MARCHF1: variants seen among roughly 807,000 people sequenced by gnomAD.
MARCHF1 encodes the protein membrane associated ring-CH-type finger 1, also known as E3 ubiquitin-protein ligase MARCHF1.
A neutral mutation model predicts 54.2 loss-of-function variants in MARCHF1; 40 were observed. The ratio of observed to expected loss-of-function variants is 0.74; its 90% CI spans 0.57 to 0.96. The LOEUF (loss-of-function observed/expected upper bound fraction) is 0.96. Among genes scored for constraint, MARCHF1 ranks in the 40% least tolerant of loss-of-function variants. The pLI is 0.00. For missense variants in MARCHF1, 586 were observed against 656.5 expected (o/e 0.89, Z 1.17); for synonymous variants, 236 against 236.3 (o/e 1.00, Z 0.01).
chr4:163,725,279 T>C (rs72993170), intron 4 of MARCHF1, among the ~76,000 whole-genome samples: 4,557 of 152,096 alleles, frequency 0.03, 90 homozygotes, highest in East Asian at 0.077. Context: ...AGTAGTGGCA[T>C]AGTGTGGGCA....
intron 4 of MARCHF1, among the ~76,000 whole-genome samples, chr4:163,719,138 G>A (rs988881060): frequency 1.4e-4 from 22 of 151,884 alleles, no homozygotes; most frequent in Non-Finnish European, 2.5e-4. Context: ...CCATTAACTC[G>A]TCATGTACAT....
At chr4:164,249,962 C>T (rs565937730) in intron 1 of MARCHF1, among the ~76,000 whole-genome samples, 2 of 152,184 alleles carry the variant, frequency 1.3e-5, no homozygotes, top group South Asian at 4.1e-4. Context: ...ACTCCATATA[C>T]ATTTCTATGC....
chr4:163,707,827 T>C (rs1285444465), intron 4 of MARCHF1, among the ~76,000 whole-genome samples: 1 of 146,628 alleles, frequency 6.8e-6, no homozygotes, highest in Non-Finnish European at 1.5e-5. Context: ...GCAATAAAGA[T>C]GGGACAGTTG....
intron 3 of MARCHF1, among the ~76,000 whole-genome samples, chr4:163,922,395 T>C (rs1751451355): frequency 6.6e-6 from 1 of 152,156 alleles, no homozygotes; most frequent in African/African-American, 2.4e-5. Context: ...GTTGAGGTTT[T>C]TCATGTTAGA....
At chr4:164,270,026 T>C (rs1482492168) in intron 1 of MARCHF1, among the ~76,000 whole-genome samples, 1 of 152,156 alleles carries the variant, frequency 6.6e-6, no homozygotes, top group Non-Finnish European at 1.5e-5. Context: ...CTGTAAAACA[T>C]CCCATGGTTT....
At chr4:164,065,536 G>A (rs1754708440) in intron 2 of MARCHF1, among the ~76,000 whole-genome samples, 1 of 152,124 alleles carries the variant, frequency 6.6e-6, no homozygotes. Flanking sequence ...TTTGCAAAAT[G>A]TGTATCAGTC....
chr4:163,677,556 T>G (rs1055774121), intron 5 of MARCHF1, among the ~76,000 whole-genome samples: 2 of 152,212 alleles, frequency 1.3e-5, no homozygotes. Flanking sequence ...CCTAGAGAAG[T>G]CTTGTCAATT....
intron 2 of MARCHF1, among the ~76,000 whole-genome samples, chr4:164,027,109 C>T (rs1753785634): frequency 1.3e-5 from 2 of 151,898 alleles, no homozygotes; most frequent in Admixed American, 6.6e-5. Context: ...GAAAACATTC[C>T]ATGCTCATGG....
intron 4 of MARCHF1, among the ~76,000 whole-genome samples, chr4:163,828,145 T>C (rs755793914): frequency 2.7e-4 from 41 of 152,136 alleles, no homozygotes; most frequent in Admixed American, 2.6e-4. Context: ...AAAAATGTTC[T>C]TTGTTTAATA....
chr4:163,684,485 G>A (rs1409189612), intron 5 of MARCHF1, among the ~76,000 whole-genome samples: 1 of 152,168 alleles, frequency 6.6e-6, no homozygotes, highest in South Asian at 2.1e-4. Context: ...CAGATTTTGA[G>A]AGCACTACCA....
In MARCHF1 at chr4:163,553,032, C is replaced by CAAAAAA. The variant is rs778572383; in HGVS notation, c.1192-7295_1192-7290dup. On this transcript the variant is annotated intron_variant, in intron 8 of 9. Coordinates refer to ENST00000514618, the MANE Select transcript of MARCHF1 (RefSeq NM_001394959.1). Reference sequence around the variant, plus strand: ...TGGGCGACAGAGCGAGACTCCGTCTCAAAAAAAAAAAAAAAAAAAGAAGAA... The same window carrying CAAAAAA: ...TGGGCGACAGAGCGAGACTCCGTCTCAAAAAAAAAAAAAAAAAAAAAAAAAGAAGAA... Among the ~76,000 whole-genome samples, 88 of 64,384 alleles carry CAAAAAA rather than the reference C, an allele frequency of 1.4e-3. 1 individual carries two copies. Among genetic ancestry groups the CAAAAAA allele is most frequent in the African/African-American group, 3.5e-3 (73 of 20,864 alleles). The allele number at this position is 64,384 out of a possible 152,430, so 42.2% of individuals were successfully genotyped here. A position where few individuals can be genotyped will look rare whatever the true frequency, so the allele number is the denominator to read the frequency against.
intron 1 of MARCHF1, among the ~76,000 whole-genome samples, chr4:164,335,335 C>A (rs1461761656): frequency 1.3e-5 from 2 of 152,172 alleles, no homozygotes; most frequent in Admixed American, 6.5e-5. Context: ...GTAATCCCAG[C>A]ACTTTGGGAG....
intron 1 of MARCHF1, among the ~76,000 whole-genome samples, chr4:164,184,780 G>A (rs1044958520): frequency 1.3e-5 from 2 of 152,158 alleles, no homozygotes; most frequent in Non-Finnish European, 2.9e-5. Flanking sequence ...GTCTCAGCTA[G>A]CCATAATGCC....
chr4:163,537,818 T>G (rs1738590157), intron 9 of MARCHF1, among the ~76,000 whole-genome samples: 1 of 152,122 alleles, frequency 6.6e-6, no homozygotes, highest in African/African-American at 2.4e-5. Flanking sequence ...CAAGGAAGAG[T>G]GATAAGTTCT....
At position 163,726,668 on chromosome 4, in the gene MARCHF1, T is replaced by G. The variant is rs558792087; in HGVS notation, c.112-25805A>C. Among the ~76,000 whole-genome samples the G allele has an allele frequency of 7.2e-5, 11 of 152,318 alleles. No homozygotes were observed. The South Asian group carries it at 2.3e-3, about 32-fold the overall frequency. ...CTGTATAAGAGTATGTTTAGTTCAG[T>G]AAGAAACTCACAAACTATCTTCTAA... On this transcript the variant is annotated intron_variant, in intron 4 of 9. Coordinates refer to ENST00000514618, the MANE Select transcript of MARCHF1 (RefSeq NM_001394959.1).
chr4:163,743,926 G>A (rs1746283168), intron 4 of MARCHF1, among the ~76,000 whole-genome samples: 1 of 152,140 alleles, frequency 6.6e-6, no homozygotes, highest in South Asian at 2.1e-4. Context: ...ACTCTCAATT[G>A]TATGACAACA....
chr4:163,665,337 A>C (rs1057249459), intron 5 of MARCHF1, among the ~76,000 whole-genome samples: 1 of 152,122 alleles, frequency 6.6e-6, no homozygotes, highest in Non-Finnish European at 1.5e-5. Flanking sequence ...ATGCTGCCAA[A>C]AATGGGATCT....
At chr4:164,294,748 T>C (rs936177679) in intron 1 of MARCHF1, among the ~76,000 whole-genome samples, 1 of 152,162 alleles carries the variant, frequency 6.6e-6, no homozygotes, top group Non-Finnish European at 1.5e-5. Flanking sequence ...ATAAATAAAA[T>C]ATTGCAATGC....
intron 1 of MARCHF1, among the ~76,000 whole-genome samples, chr4:164,382,079 C>G (rs1731386967): frequency 6.6e-6 from 1 of 152,196 alleles, no homozygotes; most frequent in Non-Finnish European, 1.5e-5. Context: ...CTACAATGAG[C>G]TTTTCCAAAA....
Sources: gnomAD v4.1 joint callset for allele counts (sites outside exome capture counted in the v4.1 genomes callset) on GRCh38, gnomAD v4.1.1 for gene constraint, MANE v1.5 for transcripts, NCBI Gene and HGNC (gene_info 2026-07-23, HGNC 2026-07-21) for gene names.